The following SUPT16H variants were observed in gnomAD, a reference collection of about 807,000 sequenced individuals.
SUPT16H encodes FACT complex subunit SPT16.
Under a neutral mutation model 136.2 loss-of-function variants are expected in SUPT16H, and 24 were observed. The observed-to-expected ratio is 0.18, with a 90% CI of 0.13 to 0.25. The LOEUF is 0.25. Ranked by LOEUF, SUPT16H falls within the 10% of genes least tolerant of loss-of-function variation. The pLI, the probability that SUPT16H is intolerant of heterozygous loss-of-function variation, is 1.00. For missense variants in SUPT16H, 623 were observed against 1,270.2 expected (o/e 0.49, Z 7.74); for synonymous variants, 415 against 428.2 (o/e 0.97, Z 0.38).
At position 21,361,205 on chromosome 14, in the gene SUPT16H, C is replaced by T; in HGVS notation, c.1802G>A (p.Arg601Gln). Residue 601 changes from arginine to glutamine, a missense_variant, in exon 16 of 26, where the codon CGA becomes CAA. Transcript: ENST00000216297. ...EATFVKEITYRASNIKAPGEQ... is the reference protein window; with the variant it reads ...EATFVKEITYQASNIKAPGEQ... Reference sequence around the variant, plus strand: ...TCCGGGTGCCTTAATATTTGATGCTCGGTATGTACTGCAGAAAAGCAACAG... The same window carrying T: ...TCCGGGTGCCTTAATATTTGATGCTTGGTATGTACTGCAGAAAAGCAACAG... 1 of 1,613,458 alleles carries T rather than the reference C, an allele frequency of 6.2e-7. No individual in the cohort carries two copies. The highest frequency in any genetic ancestry group is 8.5e-7 in the Non-Finnish European group (1 of 1,179,908).
At chr14:21,372,395 TGC>T (rs1886806130) in intron 2 of SUPT16H, 4 of 313,342 alleles carry the variant, frequency 1.3e-5, no homozygotes, top group African/African-American at 8.7e-5. Context: ...TACAGAACCC[TGC>T]GTTATTACCT....
chr14:21,354,093 T>A (rs1886378542), intron 23 of SUPT16H, among the ~76,000 whole-genome samples: 1 of 152,216 alleles, frequency 6.6e-6, no homozygotes, highest in Non-Finnish European at 1.5e-5. Flanking sequence ...AGAAAGACTT[T>A]CTGTATTTAC....
At chr14:21,355,912 A>G (rs1330414546) in intron 22 of SUPT16H, among the ~76,000 whole-genome samples, 1 of 152,174 alleles carries the variant, frequency 6.6e-6, no homozygotes, top group East Asian at 1.9e-4. Context: ...TTCCCACCTT[A>G]AACAACTACA....
intron 3 of SUPT16H, 124 bp downstream of exon 3, chr14:21,371,750 G>A: frequency 8.7e-7 from 1 of 1,150,922 alleles, no homozygotes; most frequent in South Asian, 1.5e-5. Flanking sequence ...ACAGAACTTT[G>A]TAATTACAAC....
intron 3 of SUPT16H, among the ~76,000 whole-genome samples, 171 bp from the exon 4 acceptor site, chr14:21,370,659 G>A (rs117883544): frequency 6.6e-6 from 1 of 152,208 alleles, no homozygotes; most frequent in East Asian, 1.9e-4. Flanking sequence ...CTACCCCCAG[G>A]GTAGAGCACA....
At chr14:21,359,630 G>C in intron 18 of SUPT16H, 21 bp from the exon 19 acceptor site, 14 of 1,610,110 alleles carry the variant, frequency 8.7e-6, no homozygotes, top group Non-Finnish European at 1.2e-5. Flanking sequence ...AAAACAGAAA[G>C]AACACAGAAG....
rs1462302562 is a variant in SUPT16H at position 21,372,057 on chromosome 14, A to G, written c.160-13T>C. 6.2e-7 allele frequency: 1 copy of G among 1,605,098 alleles called. No homozygotes were observed. Among genetic ancestry groups the G allele is most frequent in the Non-Finnish European group, 8.5e-7 (1 of 1,176,712 alleles). ...CAAAGAGCCATGTCTATGGAAAAAG[A>G]CAACAGTGACAACGGTATTTACAGA... On this transcript the variant is annotated splice_polypyrimidine_tract_variant and intron_variant, in intron 2 of 25. Coordinates refer to ENST00000216297, the MANE Select transcript of SUPT16H (RefSeq NM_007192.4).
intron 3 of SUPT16H, among the ~76,000 whole-genome samples, chr14:21,371,535 A>C (rs1438510496): frequency 6.6e-6 from 1 of 152,238 alleles, no homozygotes; most frequent in Non-Finnish European, 1.5e-5. Context: ...CATTTGATAA[A>C]AACTGGAAAT....
chr14:21,365,240 A>G, intron 8 of SUPT16H, 97 bp from the exon 9 acceptor site: 1 of 1,172,648 alleles, frequency 8.5e-7, no homozygotes, highest in African/African-American at 1.5e-5. Context: ...AAGACAGGCA[A>G]ACATGTTTGA....
chr14:21,374,679 A>G (rs1435961142), intron 1 of SUPT16H, among the ~76,000 whole-genome samples: 1 of 152,202 alleles, frequency 6.6e-6, no homozygotes, highest in Non-Finnish European at 1.5e-5. Flanking sequence ...TTACTGCTGA[A>G]TATTTCATTG....
intron 1 of SUPT16H, among the ~76,000 whole-genome samples, chr14:21,382,341 G>T (rs1439323480): frequency 6.6e-6 from 1 of 151,786 alleles, no homozygotes; most frequent in African/African-American, 2.4e-5. Flanking sequence ...AAAGATTTTT[G>T]AGATACAAAA....
In SUPT16H at chr14:21,372,844, T is replaced by C. The variant is rs187625456; in HGVS notation, c.159+494A>G. 9.3e-4 allele frequency: 316 copies of C among 340,938 alleles called. 1 individual carries two copies. Among genetic ancestry groups the C allele is most frequent in the African/African-American group, 6.4e-3 (295 of 46,412 alleles). The allele number at this position is 340,938 out of a possible 1,614,324, so 21.1% of individuals were successfully genotyped here. ...TGTCTTAAATCACTGCTAAATCCAA[T>C]TGAACTTTATGTGATGGTGAAAATA... is the stretch of plus-strand genomic sequence containing the variant. On this transcript the variant is annotated intron_variant, in intron 2 of 25. Coordinates refer to ENST00000216297, the MANE Select transcript of SUPT16H (RefSeq NM_007192.4).
At chr14:21,362,733 A>T in intron 14 of SUPT16H, 61 bp downstream of exon 14, 1 of 1,529,542 alleles carries the variant, frequency 6.5e-7, no homozygotes, top group South Asian at 1.3e-5. Context: ...TATTTATGGC[A>T]AATACAATTA....
At chr14:21,368,062 C>A (rs536817256) in intron 7 of SUPT16H, among the ~76,000 whole-genome samples, 1 of 152,146 alleles carries the variant, frequency 6.6e-6, no homozygotes, top group Non-Finnish European at 1.5e-5. Flanking sequence ...CACAGGCGTG[C>A]ACCACTATGC....
Position 21,366,510 on chromosome 14 carries a change from C to T in SUPT16H, c.975G>A (p.Val325=). Residue 325 remains valine, a synonymous_variant, in exon 8 of 26, where the codon GTG becomes GTA. Transcript: ENST00000216297. ...ELRHGVKICD[V]YNAVMDVVKK... ...TAACCACGTCCATGACAGCGTTATA[C>T]ACGTCACATATCTTCACACCTAATA... The T allele has an allele frequency of 1.2e-6, 2 of 1,614,028 alleles. No homozygotes were observed. The highest frequency in any genetic ancestry group is 1.7e-6 in the Non-Finnish European group (2 of 1,179,986).
chr14:21,378,784 C>G (rs780521451), intron 1 of SUPT16H, among the ~76,000 whole-genome samples: 1 of 152,132 alleles, frequency 6.6e-6, no homozygotes, highest in Non-Finnish European at 1.5e-5. Context: ...GTGGTTGCCT[C>G]TGGGATAGGT....
At position 21,352,658 on chromosome 14, in the gene SUPT16H, G is replaced by A. The variant is rs1405084072; in HGVS notation, c.*15C>T. On this transcript the variant is annotated 3_prime_UTR_variant, in exon 26 of 26. Coordinates refer to ENST00000216297, the MANE Select transcript of SUPT16H (RefSeq NM_007192.4). ...GGCTGGAGGAAGAATGGAGCTCAGG[G>A]CCAAAGTTCAGAAGTTACTTCCTCT... 1.9e-6 allele frequency: 3 copies of A among 1,613,590 alleles called. No individual in the cohort carries two copies. Among genetic ancestry groups the A allele is most frequent in the Non-Finnish European group, 2.5e-6 (3 of 1,179,954 alleles).
At chr14:21,361,247 T>C (rs1886545448) in intron 15 of SUPT16H, 34 bp from the exon 16 acceptor site, 10 of 1,610,378 alleles carry the variant, frequency 6.2e-6, no homozygotes, top group African/African-American at 1.3e-5. Context: ...TAGACATTTC[T>C]TTTTCAGGCC....
chr14:21,369,430 A>G, intron 5 of SUPT16H, 75 bp from the exon 6 acceptor site: 2 of 1,564,636 alleles, frequency 1.3e-6, no homozygotes, highest in Non-Finnish European at 1.7e-6. Context: ...CTATGATTTG[A>G]AGACAAAATG....
Sources: gnomAD v4.1 joint callset for allele counts (sites outside exome capture counted in the v4.1 genomes callset) on GRCh38, gnomAD v4.1.1 for gene constraint, MANE v1.5 for transcripts, NCBI Gene and HGNC (gene_info 2026-07-23, HGNC 2026-07-21) for gene names.